Variants in MLLT10 observed in about 807,000 individuals in gnomAD.
MLLT10 encodes the protein protein AF-10.
Under a neutral mutation model 129.1 loss-of-function variants are expected in MLLT10, and 30 were observed. The observed-to-expected ratio is 0.23, with a 90% CI of 0.17 to 0.32. The LOEUF (loss-of-function observed/expected upper bound fraction) is 0.32, where lower values mean the gene tolerates loss of function less well. Ranked by LOEUF, MLLT10 falls within the 10% of genes least tolerant of loss-of-function variation. The pLI, the probability that MLLT10 is intolerant of heterozygous loss-of-function variation, is 1.00. For missense variants in MLLT10, 1,119 were observed against 1,268.3 expected, an observed-to-expected ratio of 0.88 and a Z score of 1.79; for synonymous variants, 490 against 446.4, an observed-to-expected ratio of 1.10 and a Z score of -1.23.
intron 8 of MLLT10, among the ~76,000 whole-genome samples, chr10:21,640,262 ATATAT>A (rs1408786954): frequency 6.9e-6 from 1 of 144,150 alleles, no homozygotes; most frequent in East Asian, 2.0e-4. Context: ...ATTACATAAT[ATATAT>A]TATATTGTAT....
At chr10:21,726,130 A>C (rs2057491009) in intron 14 of MLLT10, 114 bp from the exon 15 acceptor site, 2 of 714,094 alleles carry the variant, frequency 2.8e-6, no homozygotes, top group Non-Finnish European at 4.5e-6. Context: ...GAAGGTCACA[A>C]ATTTTGCTTA....
chr10:21,624,801 C>T, intron 8 of MLLT10: 1 of 1,076,274 alleles, frequency 9.3e-7, no homozygotes, highest in South Asian at 1.4e-5. Flanking sequence ...CCCCTGATTG[C>T]CCTGAGATCC....
intron 13 of MLLT10, among the ~76,000 whole-genome samples, chr10:21,683,079 A>G (rs752453358): frequency 6.6e-6 from 1 of 152,104 alleles, no homozygotes; most frequent in Non-Finnish European, 1.5e-5. Context: ...TTGCTAATGT[A>G]TTTTAATTTG....
At chr10:21,735,338 T>C in intron 21 of MLLT10, 103 bp downstream of exon 21, 1 of 1,016,924 alleles carries the variant, frequency 9.8e-7, no homozygotes, top group Non-Finnish European at 1.5e-6. Flanking sequence ...CATTATTGAA[T>C]GCATAATCAA....
chr10:21,616,564 A>G (rs2045278352), intron 7 of MLLT10, among the ~76,000 whole-genome samples: 1 of 152,104 alleles, frequency 6.6e-6, no homozygotes, highest in South Asian at 2.1e-4. Flanking sequence ...CATGAGTCTA[A>G]TACTGACATT....
In MLLT10 at chr10:21,673,643, G is replaced by A. The variant is rs2051746924; in HGVS notation, c.1345G>A (p.Gly449Arg). ...GGGTAATTCCAGCCTTCCTACAGCA[G>A]GATATAAGCGGGCTCAAACTTCTGG... is the stretch of plus-strand genomic sequence containing the variant. ...DLGNSSLPTA[G>R]YKRAQTSGIE... The change falls in exon 11 of 23, where the codon GGA becomes AGA. Residue 449 changes from glycine (G) to arginine (R), a missense_variant. Coordinates refer to ENST00000307729, the MANE Select transcript of MLLT10 (RefSeq NM_001195626.3). 6.2e-7 allele frequency: 1 copy of A among 1,613,840 alleles called. No individual in the cohort carries two copies. The highest frequency in any genetic ancestry group is 1.3e-5 in the African/African-American group (1 of 74,848).
At chr10:21,590,884 C>T (rs2042428188) in intron 4 of MLLT10, among the ~76,000 whole-genome samples, 1 of 152,020 alleles carries the variant, frequency 6.6e-6, no homozygotes, top group Admixed American at 6.6e-5. Flanking sequence ...TTATTATTTC[C>T]TTCCTAGTAC....
chr10:21,587,808 C>T (rs779928509), intron 4 of MLLT10, among the ~76,000 whole-genome samples: 1 of 152,076 alleles, frequency 6.6e-6, no homozygotes, highest in African/African-American at 2.4e-5. Flanking sequence ...TCAGATTGTA[C>T]AGAATTTAAA....
intron 13 of MLLT10, among the ~76,000 whole-genome samples, chr10:21,692,267 TATC>T (rs1201198236): frequency 6.6e-6 from 1 of 152,010 alleles, no homozygotes; most frequent in East Asian, 1.9e-4. Flanking sequence ...CAGAGATATT[TATC>T]ATAGCAAAAA....
chr10:21,675,983 T>C (rs2052050006), intron 11 of MLLT10, among the ~76,000 whole-genome samples: 1 of 152,176 alleles, frequency 6.6e-6, no homozygotes, highest in South Asian at 2.1e-4. Flanking sequence ...TTTGTGGTAC[T>C]CCTGTGGCAG....
At chr10:21,554,757 G>A (rs1260624540) in intron 3 of MLLT10, among the ~76,000 whole-genome samples, 2 of 151,402 alleles carry the variant, frequency 1.3e-5, no homozygotes, top group East Asian at 1.9e-4. Context: ...CACCGGGCCC[G>A]GCCCCTTCAC....
chr10:21,572,403 T>C (rs1307085857), intron 3 of MLLT10, among the ~76,000 whole-genome samples: 2 of 152,216 alleles, frequency 1.3e-5, no homozygotes, highest in Admixed American at 6.5e-5. Context: ...AATAATCTCT[T>C]TTCTGTCTTC....
intron 3 of MLLT10, among the ~76,000 whole-genome samples, chr10:21,562,363 G>A (rs866981765): frequency 6.7e-5 from 10 of 149,676 alleles, no homozygotes; most frequent in South Asian, 2.1e-4. Context: ...TTGAGACGGC[G>A]TCTCACTCTT....
chr10:21,591,804 A>G (rs1443501850), intron 4 of MLLT10, among the ~76,000 whole-genome samples: 3 of 151,450 alleles, frequency 2.0e-5, no homozygotes, highest in Non-Finnish European at 2.9e-5. Context: ...GCTCACTGCA[A>G]CCTCTACCTC....
chr10:21,534,146 C>A, upstream of MLLT10: 1 of 360,730 alleles, frequency 2.8e-6, no homozygotes, highest in Non-Finnish European at 5.0e-6. Context: ...CGGAGGTAGG[C>A]CGGGGGCAGC....
chr10:21,556,744 G>A (rs1461144363), intron 3 of MLLT10: 11 of 1,610,720 alleles, frequency 6.8e-6, no homozygotes, highest in Non-Finnish European at 7.6e-6. Context: ...GATGCCTGGT[G>A]TCTAACGTTC....
chr10:21,604,259 GGA>G (rs2043844820), intron 5 of MLLT10, among the ~76,000 whole-genome samples: 1 of 152,112 alleles, frequency 6.6e-6, no homozygotes, highest in Non-Finnish European at 1.5e-5. Context: ...CTGAATCATT[GGA>G]ATTGGCGATG....
intron 13 of MLLT10, among the ~76,000 whole-genome samples, chr10:21,709,178 C>A (rs1157252472): frequency 6.6e-6 from 1 of 151,616 alleles, no homozygotes; most frequent in African/African-American, 2.4e-5. Flanking sequence ...ATTGGAGACT[C>A]CCTGTGTAGT....
At chr10:21,587,060 A>C (rs2042057842) in intron 4 of MLLT10, among the ~76,000 whole-genome samples, 1 of 150,840 alleles carries the variant, frequency 6.6e-6, no homozygotes, top group South Asian at 2.1e-4. Flanking sequence ...AGTGAATGTT[A>C]ATTTTATTTA....
Sources: allele counts gnomAD v4.1 joint callset (sites outside exome capture counted in the v4.1 genomes callset), GRCh38; gene constraint gnomAD v4.1.1; transcripts MANE v1.5; gene names NCBI Gene and HGNC (gene_info 2026-07-23, HGNC 2026-07-21).